CLASP1: variants seen among roughly 807,000 people sequenced by gnomAD.
CLASP1 encodes the protein cytoplasmic linker associated protein 1.
A neutral mutation model predicts 192.3 loss-of-function variants in CLASP1; 38 were observed. That is an observed-to-expected ratio of 0.20 (90% CI 0.15 to 0.26). The LOEUF is 0.26. CLASP1 is among the 10% of genes least tolerant of loss of function. The pLI is 1.00. For missense variants in CLASP1, 1,433 were observed against 1,932.5 expected, an observed-to-expected ratio of 0.74 and a Z score of 4.85; for synonymous variants, 691 against 712.8, an observed-to-expected ratio of 0.97 and a Z score of 0.49.
intron 8 of CLASP1, among the ~76,000 whole-genome samples, chr2:121,498,765 T>C (rs992617174): frequency 4.6e-5 from 7 of 152,182 alleles, no homozygotes; most frequent in Non-Finnish European, 7.3e-5. Context: ...TTTATTTGAA[T>C]AGACATTTCT....
At chr2:121,568,140 G>C (rs1047019018) in intron 2 of CLASP1, among the ~76,000 whole-genome samples, 3 of 152,216 alleles carry the variant, frequency 2.0e-5, no homozygotes, top group Non-Finnish European at 4.4e-5. Context: ...GCTTCAGACA[G>C]ATGTGTACTG....
At chr2:121,639,287 A>C (rs1203136811) in intron 1 of CLASP1, among the ~76,000 whole-genome samples, 7 of 152,020 alleles carry the variant, frequency 4.6e-5, no homozygotes, top group Admixed American at 4.6e-4. Context: ...AAAAAAAAAC[A>C]AACAAACAAA....
intron 8 of CLASP1, among the ~76,000 whole-genome samples, chr2:121,501,154 A>G (rs937608596): frequency 6.6e-6 from 1 of 152,222 alleles, no homozygotes; most frequent in African/African-American, 2.4e-5. Context: ...TCTGTTTCAT[A>G]GCTGTCATAC....
chr2:121,430,524 A>T (rs1246660582), intron 19 of CLASP1, among the ~76,000 whole-genome samples: 2 of 152,202 alleles, frequency 1.3e-5, no homozygotes, highest in African/African-American at 2.4e-5. Context: ...TCCAGATTAA[A>T]TTTTCTTTTT....
chr2:121,582,291 G>A (rs961083835), intron 2 of CLASP1, among the ~76,000 whole-genome samples: 8 of 150,482 alleles, frequency 5.3e-5, no homozygotes, highest in Non-Finnish European at 1.0e-4. Flanking sequence ...GAGAGAGAGA[G>A]AGAAAGAGAA....
intron 8 of CLASP1, among the ~76,000 whole-genome samples, chr2:121,478,667 ACACACACCACACACACACCC>A: frequency 2.5e-5 from 2 of 80,216 alleles, no homozygotes; most frequent in Admixed American, 2.9e-4. Flanking sequence ...CACACCCCCC[ACACACACCACACACACACCC>A]CACACACACA....
intron 1 of CLASP1, among the ~76,000 whole-genome samples, chr2:121,621,990 G>A (rs931604896): frequency 6.6e-6 from 1 of 152,042 alleles, no homozygotes; most frequent in Non-Finnish European, 1.5e-5. Context: ...TGGGATTACA[G>A]GCGTGCACCA....
intron 6 of CLASP1, among the ~76,000 whole-genome samples, chr2:121,524,868 G>A (rs1314619635): frequency 6.6e-6 from 1 of 152,174 alleles, no homozygotes; most frequent in East Asian, 1.9e-4. Flanking sequence ...GGTGGAAGGA[G>A]CAGCACAACA....
chr2:121,448,812 C>T, intron 17 of CLASP1, 141 bp downstream of exon 17: 1 of 789,144 alleles, frequency 1.3e-6, no homozygotes, highest in Non-Finnish European at 2.0e-6. Context: ...TGGTATCTTA[C>T]TTTGCACCAG....
exon 8 of CLASP1, chr2:121,503,216 T>C: frequency 6.5e-7 from 1 of 1,545,362 alleles, no homozygotes; most frequent in Non-Finnish European, 8.8e-7. Context: ...CATCAAATTT[T>C]GTAAAAATTA....
chr2:121,636,338 A>AAATAATAAT (rs58688393), intron 1 of CLASP1, among the ~76,000 whole-genome samples: 3,292 of 138,118 alleles, frequency 0.024, 114 homozygotes, highest in African/African-American at 0.073. Context: ...TCCATTTCAA[A>AAATAATAAT]AATAATAATA....
intron 5 of CLASP1, among the ~76,000 whole-genome samples, chr2:121,526,244 A>G (rs1225081270): frequency 6.6e-6 from 1 of 152,220 alleles, no homozygotes; most frequent in Non-Finnish European, 1.5e-5. Flanking sequence ...CTGCCTCTGC[A>G]TTACTGTCTG....
chr2:121,527,301 T>C (rs1327101899), intron 5 of CLASP1, among the ~76,000 whole-genome samples: 5 of 152,162 alleles, frequency 3.3e-5, no homozygotes, highest in African/African-American at 9.7e-5. Context: ...GAATTCTATT[T>C]AGCAATAAAA....
At chr2:121,458,346 T>A (rs189691485) in intron 13 of CLASP1, among the ~76,000 whole-genome samples, 256 of 152,314 alleles carry the variant, frequency 1.7e-3, no homozygotes, top group African/African-American at 5.9e-3. Flanking sequence ...AACCTGTGTA[T>A]AAATTACTTG....
rs571331160 is a variant in CLASP1, at chr2:121,530,985, AT to A, written c.196-661del. On this transcript the variant is annotated intron_variant, in intron 2 of 39. Coordinates refer to ENST00000263710, the Ensembl canonical transcript of CLASP1. ...CCGCATCAACTAGAGCTTTTGCTTTATTTTGGTGCAATTTTTGGAAAAATGA... is the reference window on the plus strand; with the variant it reads ...CCGCATCAACTAGAGCTTTTGCTTTATTTGGTGCAATTTTTGGAAAAATGA... The A allele has an allele frequency of 2.3e-4, 160 of 700,354 alleles. 3 individuals carry two copies. The highest frequency in any genetic ancestry group is 2.3e-3 in the South Asian group (154 of 67,502). The allele number at this position is 700,354 out of a possible 1,614,324, so 43.4% of individuals were successfully genotyped here.
rs977661659 is a variant in CLASP1, at chr2:121,636,101, G to A, written c.-286+13271C>T. ...TGCCTGTAATCCCAGCACTTTGGGA[G>A]GCTAAGGCAGGTGGATCACAAGGTC... is the stretch of plus-strand genomic sequence containing the variant. On this transcript the variant is annotated intron_variant, in intron 1 of 39. Coordinates refer to ENST00000263710, the Ensembl canonical transcript of CLASP1. Among the ~76,000 whole-genome samples the A allele has an allele frequency of 1.7e-4, 26 of 152,018 alleles. No individual in the cohort carries two copies. The South Asian group carries it at 2.1e-3, about 12-fold the overall frequency.
chr2:121,389,828 G>A (rs942270085), intron 30 of CLASP1, among the ~76,000 whole-genome samples: 2 of 152,092 alleles, frequency 1.3e-5, no homozygotes, highest in African/African-American at 4.8e-5. Flanking sequence ...TAAGATCCAA[G>A]TTCTAGAAAC....
chr2:121,640,436 G>GA (rs963187526), intron 1 of CLASP1, among the ~76,000 whole-genome samples: 6 of 151,222 alleles, frequency 4.0e-5, no homozygotes, highest in Admixed American at 6.6e-5. Flanking sequence ...ACACTTGAAA[G>GA]AAAAAAAAAC....
chr2:121,376,526 T>TGGGGGGGGGAAGGGGG (rs2070201822), intron 34 of CLASP1, among the ~76,000 whole-genome samples: 3 of 105,198 alleles, frequency 2.9e-5, no homozygotes, highest in Admixed American at 1.0e-4. Flanking sequence ...TGGGAAGGGG[T>TGGGGGGGGGAAGGGGG]GGGGGGGGGG....
Sources: gnomAD v4.1 joint callset for allele counts (sites outside exome capture counted in the v4.1 genomes callset) on GRCh38, gnomAD v4.1.1 for gene constraint, MANE v1.5 for transcripts, NCBI Gene and HGNC (gene_info 2026-07-23, HGNC 2026-07-21) for gene names.